The following TMX3 variants were observed in gnomAD, a reference collection of about 807,000 sequenced individuals.
TMX3 encodes the protein thioredoxin related transmembrane protein 3.
TMX3 carries 40 observed loss-of-function variants against 64.4 expected under a neutral mutation model. That is an observed-to-expected ratio of 0.62 (90% CI 0.48 to 0.81). TMX3 has a LOEUF of 0.81. Ranked by LOEUF, TMX3 falls within the 30% of genes least tolerant of loss-of-function variation. The pLI, the probability that TMX3 is intolerant of heterozygous loss-of-function variation, is 0.00. For missense variants in TMX3, 497 were observed against 534.5 expected, an observed-to-expected ratio of 0.93 and a Z score of 0.69; for synonymous variants, 189 against 175.7, an observed-to-expected ratio of 1.08 and a Z score of -0.60.
chr18:68,687,577 A>G (rs1282996640), intron 10 of TMX3, 90 bp downstream of exon 10: 18 of 1,523,830 alleles, frequency 1.2e-5, no homozygotes, highest in Non-Finnish European at 1.6e-5. Flanking sequence ...TGAGAAATAG[A>G]GCTTAAATTC....
chr18:68,695,525 T>A (rs1393560440), intron 8 of TMX3, among the ~76,000 whole-genome samples: 2 of 152,162 alleles, frequency 1.3e-5, no homozygotes, highest in African/African-American at 4.8e-5. Flanking sequence ...CCCTCCATAT[T>A]TTCAACTTCT....
chr18:68,686,011 A>G (rs1473809901), intron 10 of TMX3, among the ~76,000 whole-genome samples: 7 of 152,186 alleles, frequency 4.6e-5, no homozygotes, highest in Non-Finnish European at 1.0e-4. Flanking sequence ...ATAACAATAA[A>G]AGAAACTAAA....
At chr18:68,681,904 C>T (rs937255013) in intron 13 of TMX3, among the ~76,000 whole-genome samples, 1 of 152,168 alleles carries the variant, frequency 6.6e-6, no homozygotes, top group Non-Finnish European at 1.5e-5. Flanking sequence ...TTCCTACTAC[C>T]TGTCATACTT....
intron 9 of TMX3, among the ~76,000 whole-genome samples, chr18:68,688,211 T>C (rs370374430): frequency 9.5e-4 from 144 of 152,292 alleles, no homozygotes; most frequent in African/African-American, 3.4e-3. Flanking sequence ...CAGTTATTCC[T>C]AAATGGTTTC....
At chr18:68,696,044 C>A (rs1434032415) in intron 8 of TMX3, among the ~76,000 whole-genome samples, 1 of 152,192 alleles carries the variant, frequency 6.6e-6, no homozygotes, top group African/African-American at 2.4e-5. Context: ...ACGGCTCCTT[C>A]ATATCACGTA....
intron 4 of TMX3, among the ~76,000 whole-genome samples, chr18:68,708,152 C>G (rs886248968): frequency 6.6e-6 from 1 of 151,860 alleles, no homozygotes; most frequent in African/African-American, 2.4e-5. Flanking sequence ...ACGATAACTT[C>G]TTAGACATTG....
chr18:68,690,599 A>G (rs1436690775), intron 9 of TMX3, among the ~76,000 whole-genome samples: 1 of 152,220 alleles, frequency 6.6e-6, no homozygotes, highest in Admixed American at 6.5e-5. Context: ...TCTAAAAATA[A>G]AAAGTCTACA....
chr18:68,684,069 T>G, intron 12 of TMX3, 121 bp downstream of exon 12: 1 of 763,830 alleles, frequency 1.3e-6, no homozygotes, highest in African/African-American at 1.7e-5. Flanking sequence ...AGGATTACTG[T>G]TATTTAACTT....
At chr18:68,683,451 C>A (rs1222204111) in intron 12 of TMX3, among the ~76,000 whole-genome samples, 2 of 152,018 alleles carry the variant, frequency 1.3e-5, no homozygotes, top group Non-Finnish European at 2.9e-5. Flanking sequence ...ATGATAGCAA[C>A]AATGATTCAG....
chr18:68,709,440 A>G (rs890601634), intron 4 of TMX3, among the ~76,000 whole-genome samples: 2 of 152,182 alleles, frequency 1.3e-5, no homozygotes, highest in African/African-American at 2.4e-5. Flanking sequence ...CCATAAACAG[A>G]TAACAAATAG....
rs1422144182 is a variant in TMX3 at position 68,684,420 on chromosome 18, C to A, written c.794+8G>T. Reference sequence around the variant, plus strand: ...TTTGAAGCTTAAAACTATATCAAGGCATTATACCTGGTATGTTCAACTGAT... The same window carrying A: ...TTTGAAGCTTAAAACTATATCAAGGAATTATACCTGGTATGTTCAACTGAT... On this transcript the variant is annotated splice_region_variant and intron_variant, in intron 11 of 15. Transcript: ENST00000299608. 3.7e-6 allele frequency: 6 copies of A among 1,610,204 alleles called. No homozygotes were observed. The South Asian group carries it at 6.6e-5, about 18-fold the overall frequency.
chr18:68,687,169 T>G, intron 10 of TMX3: 1 of 985,310 alleles, frequency 1.0e-6, no homozygotes, highest in Non-Finnish European at 1.2e-6. Context: ...ATTTTTATAG[T>G]TTGCATCTGA....
At chr18:68,694,481 C>T (rs1296131150) in intron 8 of TMX3, among the ~76,000 whole-genome samples, 3 of 152,204 alleles carry the variant, frequency 2.0e-5, no homozygotes, top group Admixed American at 1.3e-4. Context: ...CCAGATTCCA[C>T]GCTTGTTCAC....
chr18:68,685,406 G>A (rs1012824670), intron 10 of TMX3, among the ~76,000 whole-genome samples: 4 of 152,050 alleles, frequency 2.6e-5, no homozygotes, highest in African/African-American at 7.2e-5. Context: ...ACAACCTTCA[G>A]TCTTCTAACT....
chr18:68,691,495 TAA>T (rs984772366), intron 8 of TMX3, 134 bp from the exon 9 acceptor site: 16 of 557,786 alleles, frequency 2.9e-5, no homozygotes, highest in Admixed American at 1.4e-4. Flanking sequence ...CACAAACAGT[TAA>T]AGAGTACAGT....
At chr18:68,700,845 G>C (rs2029986954) in intron 5 of TMX3, 1 of 984,956 alleles carries the variant, frequency 1.0e-6, no homozygotes, top group Admixed American at 6.2e-5. Flanking sequence ...GAAAGGACAG[G>C]GAAATAAGAG....
intron 9 of TMX3, among the ~76,000 whole-genome samples, chr18:68,689,461 G>C (rs1189701440): frequency 6.6e-6 from 1 of 151,176 alleles, no homozygotes; most frequent in Non-Finnish European, 1.5e-5. Flanking sequence ...AGTGGAATAA[G>C]AACATGAGAT....
intron 4 of TMX3, among the ~76,000 whole-genome samples, chr18:68,709,057 A>T (rs1298111823): frequency 6.6e-6 from 1 of 152,158 alleles, no homozygotes; most frequent in Non-Finnish European, 1.5e-5. Flanking sequence ...ATGAAAGAGA[A>T]ACTGCAGGTA....
chr18:68,705,080 T>A (rs1026721107), intron 4 of TMX3, among the ~76,000 whole-genome samples: 2 of 152,138 alleles, frequency 1.3e-5, no homozygotes, highest in African/African-American at 4.8e-5. Flanking sequence ...TGGTTTACCA[T>A]CAACTGAAGA....
Sources: gnomAD v4.1 joint callset for allele counts (sites outside exome capture counted in the v4.1 genomes callset) on GRCh38, gnomAD v4.1.1 for gene constraint, MANE v1.5 for transcripts, NCBI Gene and HGNC (gene_info 2026-07-23, HGNC 2026-07-21) for gene names.